The following CSNK1G1 variants were observed in gnomAD, a reference collection of about 807,000 sequenced individuals.
CSNK1G1 encodes casein kinase I isoform gamma-1.
Under a neutral mutation model 59.6 loss-of-function variants are expected in CSNK1G1, and 22 were observed. The observed-to-expected ratio is 0.37, with a 90% CI of 0.26 to 0.53. The LOEUF (loss-of-function observed/expected upper bound fraction) is 0.53. Ranked by LOEUF, CSNK1G1 falls within the 20% of genes least tolerant of loss-of-function variation. The pLI is 0.89. For missense variants in CSNK1G1, 384 were observed against 519.5 expected, an observed-to-expected ratio of 0.74 and a Z score of 2.54; for synonymous variants, 179 against 177.1, an observed-to-expected ratio of 1.01 and a Z score of -0.08.
Position 64,199,876 on chromosome 15 carries a change from T to A in CSNK1G1, c.1107+3206A>T, listed in dbSNP as rs565861485. On this transcript the variant is annotated intron_variant, in intron 10 of 11. Transcript: ENST00000303052. ...TCAAAATAAATAAATAAATAAAATT[T>A]TAAAAAAAATTCTATCACATTCTAA... is the stretch of plus-strand genomic sequence containing the variant. Among the ~76,000 whole-genome samples the A allele has an allele frequency of 1.6e-4, 24 of 151,830 alleles. No homozygotes were observed. In the South Asian group the frequency reaches 1.7e-3, roughly 11 times the overall value.
rs559207789 is a variant in CSNK1G1, at chr15:64,352,838, C to T, written c.-225+3150G>A. Among the ~76,000 whole-genome samples, 3 of 152,082 alleles carry T rather than the reference C, an allele frequency of 2.0e-5. No individual in the cohort carries two copies. In the East Asian group the frequency reaches 5.8e-4, roughly 30 times the overall value. ...GTGTGTTGGCTCATGCCTGTAATCC[C>T]AGCACTTTGGGAGGCCAAAGCTGGC... is the stretch of plus-strand genomic sequence containing the variant. On this transcript the variant is annotated intron_variant, in intron 1 of 11. Transcript: ENST00000303052.
chr15:64,248,380 T>C lies in CSNK1G1; in HGVS notation c.292+3132A>G, dbSNP rs188080579. Among the ~76,000 whole-genome samples, 24 of 152,304 alleles carry C rather than the reference T, an allele frequency of 1.6e-4. No individual in the cohort carries two copies. The East Asian group carries it at 2.1e-3, about 13-fold the overall frequency. On this transcript the variant is annotated intron_variant, in intron 4 of 11. Coordinates refer to ENST00000303052, the MANE Select transcript of CSNK1G1 (RefSeq NM_022048.5). The stretch of plus-strand genomic sequence containing the variant: ...ACAAGGAATATTTTTATTAATAACA[T>C]TGGTAAAAATCTAAAAAGGCAAGCT...
intron 4 of CSNK1G1, among the ~76,000 whole-genome samples, chr15:64,220,096 CTTT>C (rs113389447): frequency 2.9e-5 from 4 of 136,634 alleles, no homozygotes; most frequent in Admixed American, 7.4e-5. Flanking sequence ...AATAACATAA[CTTT>C]TTTTTTTTTT....
intron 1 of CSNK1G1, among the ~76,000 whole-genome samples, chr15:64,347,126 C>CA (rs1166868278): frequency 6.6e-6 from 1 of 151,758 alleles, no homozygotes; most frequent in Non-Finnish European, 1.5e-5. Context: ...GAGTAAAATA[C>CA]AAAAAAAGAG....
At chr15:64,186,076 G>T (rs140737320) in intron 10 of CSNK1G1, among the ~76,000 whole-genome samples, 17 of 152,064 alleles carry the variant, frequency 1.1e-4, no homozygotes, top group African/African-American at 4.1e-4. Flanking sequence ...TCCTGTGCTG[G>T]ATCTCTGGTT....
intron 2 of CSNK1G1, among the ~76,000 whole-genome samples, chr15:64,281,805 A>C (rs892329047): frequency 1.3e-5 from 2 of 151,836 alleles, no homozygotes; most frequent in African/African-American, 4.8e-5. Context: ...GTGCCGAGAA[A>C]AAAAAAAAAG....
At chr15:64,194,517 CTTTTTTTT>C (rs374224209) in intron 10 of CSNK1G1, among the ~76,000 whole-genome samples, 1 of 128,328 alleles carries the variant, frequency 7.8e-6, no homozygotes, top group Non-Finnish European at 1.6e-5. Flanking sequence ...CTTTTCTTTT[CTTTTTTTT>C]TTTTTTTTTG....
At chr15:64,321,258 CTT>C (rs371870605) in intron 1 of CSNK1G1, among the ~76,000 whole-genome samples, 30 of 139,938 alleles carry the variant, frequency 2.1e-4, no homozygotes, top group Admixed American at 5.0e-4. Flanking sequence ...TCTTTTTTTC[CTT>C]TTTTTTTTTT....
intron 6 of CSNK1G1, among the ~76,000 whole-genome samples, chr15:64,212,788 T>C (rs532469751): frequency 6.6e-6 from 1 of 152,052 alleles, no homozygotes; most frequent in South Asian, 2.1e-4. Context: ...GGCAGATCAC[T>C]TAAGGCCAGG....
At position 64,300,303 on chromosome 15, in the gene CSNK1G1, ATAACCAAGTGCT is replaced by A. The variant is rs1566938743; in HGVS notation, c.181+4_181+15del. The A allele has an allele frequency of 6.2e-7, 1 of 1,612,504 alleles. No homozygotes were observed. The highest frequency in any genetic ancestry group is 8.5e-7 in the Non-Finnish European group (1 of 1,178,794). On this transcript the variant is annotated splice_donor_5th_base_variant and intron_variant, in intron 2 of 11. Coordinates refer to ENST00000303052, the MANE Select transcript of CSNK1G1 (RefSeq NM_022048.5). ...ATTGTTGTTAGTAGAAGTCACTGAC[ATAACCAAGTGCT>A]TACCTAATCTGAGCTCTCCGAAGTT...
At chr15:64,265,354 C>G (rs1892919355) in intron 2 of CSNK1G1, among the ~76,000 whole-genome samples, 1 of 152,136 alleles carries the variant, frequency 6.6e-6, no homozygotes, top group Non-Finnish European at 1.5e-5. Flanking sequence ...GGGAGAGACC[C>G]AGAGGGAGGT....
Position 64,216,511 on chromosome 15 carries a change from T to C in CSNK1G1, c.444+51A>G. ...TAAATCACCAAAAGGCCCACAAGGA[T>C]GTGGCTGAGGAACCAGCTTATTCTC... On this transcript the variant is annotated intron_variant, in intron 5 of 11. Coordinates refer to ENST00000303052, the MANE Select transcript of CSNK1G1 (RefSeq NM_022048.5). The surrounding 1 kb of genome is among the most constrained non-coding windows in gnomAD (Gnocchi z 4.6). 1 of 1,574,656 alleles carries C rather than the reference T, an allele frequency of 6.4e-7. No individual in the cohort carries two copies. The highest frequency in any genetic ancestry group is 8.7e-7 in the Non-Finnish European group (1 of 1,147,600).
chr15:64,321,924 G>T (rs1896587292), intron 1 of CSNK1G1, among the ~76,000 whole-genome samples: 1 of 152,212 alleles, frequency 6.6e-6, no homozygotes, highest in Non-Finnish European at 1.5e-5. Flanking sequence ...ATAAACCACA[G>T]AAGGCAGTAA....
chr15:64,305,614 G>C lies in CSNK1G1; in HGVS notation c.-224-4891C>G, dbSNP rs151125079. ...TACACCTATGGAACCAGCTACTCAG[G>C]AGGCAGAACTGGGAGGATTGTTTGA... On this transcript the variant is annotated intron_variant, in intron 1 of 11. Coordinates refer to ENST00000303052, the MANE Select transcript of CSNK1G1 (RefSeq NM_022048.5). Among the ~76,000 whole-genome samples the C allele has an allele frequency of 6.8e-3, 1,029 of 150,804 alleles. 16 individuals carry two copies. The highest frequency in any genetic ancestry group is 0.024 in the African/African-American group (985 of 41,034).
chr15:64,172,121 G>T, intron 11 of CSNK1G1, 136 bp from the exon 12 acceptor site: 1 of 743,094 alleles, frequency 1.3e-6, no homozygotes, highest in Non-Finnish European at 2.4e-6. Flanking sequence ...CATCTACAGT[G>T]CACGCACTGG....
intron 4 of CSNK1G1, among the ~76,000 whole-genome samples, chr15:64,229,235 T>C (rs1206361388): frequency 1.2e-4 from 19 of 152,180 alleles, no homozygotes; most frequent in Admixed American, 1.2e-3. Flanking sequence ...AGTGAACACC[T>C]ATTGCTTTTG....
chr15:64,238,516 AAAATAT>A (rs2082647603), intron 4 of CSNK1G1, among the ~76,000 whole-genome samples: 1 of 89,974 alleles, frequency 1.1e-5, no homozygotes, highest in African/African-American at 5.5e-5. Context: ...AAAAAAAAAA[AAAATAT>A]ATATATATAT....
At chr15:64,172,386 T>A (rs1423306631) in intron 11 of CSNK1G1, among the ~76,000 whole-genome samples, 1 of 152,172 alleles carries the variant, frequency 6.6e-6, no homozygotes, top group Non-Finnish European at 1.5e-5. Context: ...GAGGGCACAA[T>A]TATTTAATTC....
At chr15:64,243,615 T>C (rs1891592898) in intron 4 of CSNK1G1, among the ~76,000 whole-genome samples, 1 of 152,170 alleles carries the variant, frequency 6.6e-6, no homozygotes, top group South Asian at 2.1e-4. Flanking sequence ...ATTGTCCCTA[T>C]ATGCAAGTGA....
Sources: allele counts gnomAD v4.1 joint callset (sites outside exome capture counted in the v4.1 genomes callset), GRCh38; gene constraint gnomAD v4.1.1; non-coding constraint Gnocchi (gnomAD v3.1); transcripts MANE v1.5; gene names NCBI Gene and HGNC (gene_info 2026-07-23, HGNC 2026-07-21).